Variants in TTBK2 observed in about 807,000 individuals in gnomAD.
The protein encoded by TTBK2 is tau-tubulin kinase 2.
In TTBK2, 28 loss-of-function variants were observed where a neutral mutation model predicts 110.8. The ratio of observed to expected loss-of-function variants is 0.25; its 90% CI spans 0.19 to 0.35. The LOEUF (loss-of-function observed/expected upper bound fraction) is 0.35, where lower values mean the gene tolerates loss of function less well. Among genes scored for constraint, TTBK2 ranks in the 10% least tolerant of loss-of-function variants. TTBK2 has a pLI of 1.00. For synonymous variants in TTBK2, 532 were observed against 527.3 expected, an observed-to-expected ratio of 1.01 and a Z score of -0.12; for missense variants, 1,369 against 1,500.3, an observed-to-expected ratio of 0.91 and a Z score of 1.45.
intron 9 of TTBK2, among the ~76,000 whole-genome samples, chr15:42,805,688 T>A (rs1334696029): frequency 2.6e-5 from 4 of 152,142 alleles, no homozygotes; most frequent in African/African-American, 9.7e-5. Context: ...GAATACTCTA[T>A]CTCCTAGCCT....
chr15:42,800,105 A>C (rs1045782765), intron 9 of TTBK2, among the ~76,000 whole-genome samples: 1 of 152,082 alleles, frequency 6.6e-6, no homozygotes, highest in African/African-American at 2.4e-5. Flanking sequence ...TCTCAAAATA[A>C]ATAAATAAAT....
intron 6 of TTBK2, among the ~76,000 whole-genome samples, chr15:42,826,740 G>A (rs1317777761): frequency 6.6e-6 from 1 of 151,956 alleles, no homozygotes. Flanking sequence ...TCTTATTCTC[G>A]GGGCTACCTG....
At chr15:42,790,361 T>C (rs930903966) in intron 10 of TTBK2, among the ~76,000 whole-genome samples, 2 of 151,640 alleles carry the variant, frequency 1.3e-5, no homozygotes, top group African/African-American at 4.8e-5. Context: ...CTCAGGTCAC[T>C]GCAACCTCCA....
At chr15:42,767,806 C>T (rs767703009) in intron 13 of TTBK2, among the ~76,000 whole-genome samples, 1 of 151,954 alleles carries the variant, frequency 6.6e-6, no homozygotes, top group Non-Finnish European at 1.5e-5. Flanking sequence ...AGAGACACAA[C>T]AAAAAAAGAG....
chr15:42,905,523 C>T (rs1444783308), intron 1 of TTBK2, among the ~76,000 whole-genome samples: 1 of 152,162 alleles, frequency 6.6e-6, no homozygotes, highest in Non-Finnish European at 1.5e-5. Flanking sequence ...TCCCAAAGTG[C>T]TGGGGTTACA....
chr15:42,778,200 A>G (rs1177088139), intron 11 of TTBK2, among the ~76,000 whole-genome samples: 3 of 152,032 alleles, frequency 2.0e-5, no homozygotes, highest in African/African-American at 7.2e-5. Context: ...AAAGGTTATT[A>G]TAACAAAGAT....
At chr15:42,893,604 A>C (rs1343855320) in intron 1 of TTBK2, among the ~76,000 whole-genome samples, 2 of 151,838 alleles carry the variant, frequency 1.3e-5, no homozygotes, top group Admixed American at 6.6e-5. Flanking sequence ...AACTAAACCC[A>C]AAACAAGCAG....
chr15:42,894,894 C>A (rs1399476054), intron 1 of TTBK2, among the ~76,000 whole-genome samples: 1 of 152,110 alleles, frequency 6.6e-6, no homozygotes, highest in East Asian at 1.9e-4. Flanking sequence ...CCTGGGGATG[C>A]AAGGCTGACT....
chr15:42,829,555 A>T (rs1478060563), intron 5 of TTBK2, among the ~76,000 whole-genome samples: 1 of 152,224 alleles, frequency 6.6e-6, no homozygotes, highest in Non-Finnish European at 1.5e-5. Flanking sequence ...ACAGGGTCTC[A>T]CTATGCTGCC....
rs543000532 is a variant in TTBK2, at chr15:42,801,841, T to C, written c.823-7040A>G. On this transcript the variant is annotated intron_variant, in intron 9 of 14. Transcript: ENST00000267890. Reference sequence around the variant, plus strand: ...ATACTCCTTGATGAGCACAAATTCATTCTCCATCTCTGTACATTTACTGAT... The same window carrying C: ...ATACTCCTTGATGAGCACAAATTCACTCTCCATCTCTGTACATTTACTGAT... 7.7e-6 allele frequency: 7 copies of C among 910,476 alleles called. No homozygotes were observed. The East Asian group carries it at 1.4e-4, about 19-fold the overall frequency. The allele number at this position is 910,476 out of a possible 1,614,324, so 56.4% of individuals were successfully genotyped here.
intron 6 of TTBK2, among the ~76,000 whole-genome samples, chr15:42,823,740 T>A (rs1051121612): frequency 1.8e-5 from 2 of 109,028 alleles, no homozygotes; most frequent in African/African-American, 8.3e-5. Flanking sequence ...TTTGTGTGAT[T>A]TTTTTTTTTT....
chr15:42,853,249 C>A (rs1476293367), intron 3 of TTBK2, among the ~76,000 whole-genome samples: 1 of 151,610 alleles, frequency 6.6e-6, no homozygotes, highest in Non-Finnish European at 1.5e-5. Context: ...AAATCCAGGA[C>A]CAGTATTTCA....
At chr15:42,805,740 T>G in intron 9 of TTBK2, among the ~76,000 whole-genome samples, 1 of 152,204 alleles carries the variant, frequency 6.6e-6, no homozygotes, top group Admixed American at 6.5e-5. Flanking sequence ...GAGTTCTGAC[T>G]ACTGGGCATA....
intron 9 of TTBK2, among the ~76,000 whole-genome samples, chr15:42,803,969 G>C (rs1179609464): frequency 1.5e-5 from 2 of 134,312 alleles, no homozygotes; most frequent in African/African-American, 2.8e-5. Flanking sequence ...GGAGGTTTCA[G>C]TGAGCCAAAA....
intron 7 of TTBK2, among the ~76,000 whole-genome samples, chr15:42,812,435 T>A (rs1266832579): frequency 6.6e-6 from 1 of 152,190 alleles, no homozygotes; most frequent in Non-Finnish European, 1.5e-5. Context: ...TATATACCCA[T>A]GTGGTCTGAA....
intron 6 of TTBK2, among the ~76,000 whole-genome samples, chr15:42,817,359 G>A (rs1160092884): frequency 6.6e-6 from 1 of 151,602 alleles, no homozygotes; most frequent in Admixed American, 6.6e-5. Context: ...AGGCATTTAT[G>A]ACATCTATAC....
In TTBK2 at chr15:42,802,419, C is replaced by A. The variant is rs749278398; in HGVS notation, c.823-7618G>T. 8 of 729,922 alleles carry A rather than the reference C, an allele frequency of 1.1e-5. No individual in the cohort carries two copies. In the East Asian group the frequency reaches 2.1e-4, roughly 19 times the overall value. 45.2% of individuals were successfully genotyped at this position (729,922 alleles called of 1,614,324 possible). A position where few individuals can be genotyped will look rare whatever the true frequency, so the allele number is the denominator to read the frequency against. On this transcript the variant is annotated intron_variant, in intron 9 of 14. Coordinates refer to ENST00000267890, the MANE Select transcript of TTBK2 (RefSeq NM_173500.4). ...CCCTGATGGACATGGTGGAGGCAGG[C>A]GGGCCGAACCAGACGGAATCCCAGA...
intron 6 of TTBK2, among the ~76,000 whole-genome samples, chr15:42,823,738 A>ATT (rs57341447): frequency 6.9e-6 from 1 of 145,252 alleles, no homozygotes; most frequent in African/African-American, 2.5e-5. Context: ...TTTTTGTGTG[A>ATT]TTTTTTTTTT....
intron 1 of TTBK2, among the ~76,000 whole-genome samples, chr15:42,895,390 G>T (rs533611931): frequency 7.2e-5 from 11 of 152,020 alleles, no homozygotes; most frequent in Admixed American, 1.3e-4. Flanking sequence ...CTACCTATTG[G>T]ATACTATGTG....
Sources: allele counts gnomAD v4.1 joint callset (sites outside exome capture counted in the v4.1 genomes callset), GRCh38; gene constraint gnomAD v4.1.1; transcripts MANE v1.5; gene names NCBI Gene and HGNC (gene_info 2026-07-23, HGNC 2026-07-21).